Variants in ELP4 observed in about 807,000 individuals in gnomAD.
ELP4 encodes elongator complex protein 4.
In ELP4, 51 loss-of-function variants were observed where a neutral mutation model predicts 48.9. The observed-to-expected ratio is 1.04, with a 90% confidence interval of 0.83 to 1.32. The LOEUF (loss-of-function observed/expected upper bound fraction) is 1.32, where lower values mean the gene tolerates loss of function less well. ELP4 is among the 40% of genes most tolerant of loss of function. ELP4 has a pLI of 0.00. For synonymous variants in ELP4, 210 were observed against 189.2 expected (o/e 1.11, Z -0.90); for missense variants, 519 against 514.6 (o/e 1.01, Z -0.08).
intron 2 of ELP4, among the ~76,000 whole-genome samples, chr11:31,520,721 T>C (rs1956198859): frequency 6.6e-6 from 1 of 152,132 alleles, no homozygotes; most frequent in Admixed American, 6.5e-5. Context: ...TGATATAATA[T>C]AAATTTACGT....
intron 4 of ELP4, among the ~76,000 whole-genome samples, chr11:31,602,005 C>T (rs1957793017): frequency 6.6e-6 from 1 of 152,018 alleles, no homozygotes; most frequent in African/African-American, 2.4e-5. Context: ...ATTAAGGACA[C>T]CAGTGTGCCC....
chr11:31,658,773 T>G (rs1416015325), intron 9 of ELP4, among the ~76,000 whole-genome samples: 1 of 152,036 alleles, frequency 6.6e-6, no homozygotes, highest in Non-Finnish European at 1.5e-5. Flanking sequence ...TGTGAGATAA[T>G]CAAGGTATAT....
chr11:31,781,421 A>G (rs1173937527), intron 9 of ELP4, among the ~76,000 whole-genome samples: 2 of 150,470 alleles, frequency 1.3e-5, no homozygotes, highest in Non-Finnish European at 3.0e-5. Context: ...CACTGATAGA[A>G]TTAACCCTAC....
At chr11:31,745,991 A>C (rs993742912) in intron 9 of ELP4, among the ~76,000 whole-genome samples, 1 of 152,234 alleles carries the variant, frequency 6.6e-6, no homozygotes, top group Non-Finnish European at 1.5e-5. Context: ...CAACCTACTC[A>C]TCTGACAAAG....
intron 3 of ELP4, among the ~76,000 whole-genome samples, chr11:31,560,558 A>G (rs1018253080): frequency 6.6e-5 from 10 of 151,618 alleles, no homozygotes; most frequent in Admixed American, 3.3e-4. Flanking sequence ...CATTTACTAA[A>G]GGGCATTACT....
At chr11:31,628,958 A>G (rs1359028) in intron 6 of ELP4, among the ~76,000 whole-genome samples, 96,457 of 151,880 alleles carry the variant, frequency 0.64, 33,088 homozygotes, top group Non-Finnish European at 0.76. Context: ...TAAATGTTAC[A>G]TTTTTAAAGA....
chr11:31,730,172 GTT>G (rs549780206), intron 9 of ELP4, among the ~76,000 whole-genome samples: 242 of 152,258 alleles, frequency 1.6e-3, no homozygotes, highest in Non-Finnish European at 2.1e-3. Context: ...ATCAGGAGGT[GTT>G]TTAGTCCATT....
intron 9 of ELP4, among the ~76,000 whole-genome samples, chr11:31,693,356 G>A (rs1266177871): frequency 6.6e-6 from 1 of 151,286 alleles, no homozygotes; most frequent in Non-Finnish European, 1.5e-5. Flanking sequence ...TCCCCTTCCT[G>A]TGTCTAAGTG....
At position 31,632,210 on chromosome 11, in the gene ELP4, CTT is replaced by C. The variant is rs1192008991; in HGVS notation, c.739-4_739-3del. ...TATATGTTTGCTTTTTTCCCACTTT[CTT>C]TTAGAAAAAACAGAGAAACATTTTA... On this transcript the variant is annotated splice_region_variant and splice_polypyrimidine_tract_variant and intron_variant, in intron 6 of 9. Coordinates refer to ENST00000640961, the MANE Select transcript of ELP4 (RefSeq NM_019040.5). 6.3e-7 allele frequency: 1 copy of C among 1,592,768 alleles called. No homozygotes were observed. The highest frequency in any genetic ancestry group is 1.4e-5 in the African/African-American group (1 of 73,392).
At chr11:31,625,288 T>C (rs1459315865) in intron 5 of ELP4, among the ~76,000 whole-genome samples, 5 of 151,818 alleles carry the variant, frequency 3.3e-5, no homozygotes, top group African/African-American at 9.6e-5. Flanking sequence ...GACCAAAACG[T>C]CCCTATGCAG....
intron 9 of ELP4, among the ~76,000 whole-genome samples, chr11:31,741,366 A>T (rs753446480): frequency 2.0e-4 from 31 of 152,250 alleles, no homozygotes; most frequent in South Asian, 4.1e-4. Context: ...TGCAGACGTA[A>T]ATGTCCCTGT....
chr11:31,623,853 C>G (rs1276707943), intron 5 of ELP4, among the ~76,000 whole-genome samples: 2 of 136,100 alleles, frequency 1.5e-5, no homozygotes, highest in East Asian at 4.3e-4. Context: ...GGAACTCAAA[C>G]AACACAATAG....
chr11:31,673,989 T>C (rs1467990799), intron 9 of ELP4, among the ~76,000 whole-genome samples: 1 of 152,254 alleles, frequency 6.6e-6, no homozygotes, highest in Non-Finnish European at 1.5e-5. Context: ...ACTGCTTGCT[T>C]GTTAAGATAT....
chr11:31,773,336 G>T (rs1948186233), intron 9 of ELP4, among the ~76,000 whole-genome samples: 1 of 152,196 alleles, frequency 6.6e-6, no homozygotes, highest in Non-Finnish European at 1.5e-5. Flanking sequence ...GAAGAAAATG[G>T]GGAATTAGTG....
intron 3 of ELP4, among the ~76,000 whole-genome samples, chr11:31,568,563 A>G (rs1957148219): frequency 6.6e-6 from 1 of 152,220 alleles, no homozygotes; most frequent in African/African-American, 2.4e-5. Context: ...ACAGCATGGT[A>G]CTGGTATAAA....
intron 3 of ELP4, among the ~76,000 whole-genome samples, chr11:31,565,393 C>T (rs1267234427): frequency 6.9e-4 from 99 of 142,864 alleles, no homozygotes; most frequent in South Asian, 1.3e-3. Flanking sequence ...TCCCATTTGT[C>T]AATTTTGGCT....
chr11:31,775,654 G>C (rs942113720), intron 9 of ELP4, among the ~76,000 whole-genome samples: 1 of 152,058 alleles, frequency 6.6e-6, no homozygotes, highest in Non-Finnish European at 1.5e-5. Flanking sequence ...GGACAACATA[G>C]TGTGACCCTA....
At chr11:31,559,628 G>A (rs555024520) in intron 3 of ELP4, among the ~76,000 whole-genome samples, 1 of 152,154 alleles carries the variant, frequency 6.6e-6, no homozygotes, top group East Asian at 1.9e-4. Flanking sequence ...TTTGGGCCGG[G>A]AGCGGCGGCT....
intron 9 of ELP4, among the ~76,000 whole-genome samples, chr11:31,722,665 TTCTCTC>T (rs71060499): frequency 0.031 from 4,449 of 144,132 alleles, 162 homozygotes; most frequent in Admixed American, 0.099. Context: ...AAGGTGTCTC[TTCTCTC>T]TCTCTCTCTC....
Sources: gnomAD v4.1 joint callset for allele counts (sites outside exome capture counted in the v4.1 genomes callset) on GRCh38, gnomAD v4.1.1 for gene constraint, MANE v1.5 for transcripts, NCBI Gene and HGNC (gene_info 2026-07-23, HGNC 2026-07-21) for gene names.